The following KIF1A variants were observed in gnomAD, a reference collection of about 807,000 sequenced individuals.
KIF1A encodes the protein kinesin-like protein KIF1A.
A neutral mutation model predicts 227.3 loss-of-function variants in KIF1A; 46 were observed. The ratio of observed to expected loss-of-function variants is 0.20; its 90% confidence interval spans 0.16 to 0.26. The LOEUF (loss-of-function observed/expected upper bound fraction) is 0.26. KIF1A is among the 10% of genes least tolerant of loss of function. The probability of loss-of-function intolerance (pLI) is 1.00; values close to 1 mark genes in which losing one functional copy is unlikely to be tolerated. For missense variants in KIF1A, 1,683 were observed against 2,485.9 expected (o/e 0.68, Z 6.87); for synonymous variants, 1,022 against 1,012.8 (o/e 1.01, Z -0.17).
At chr2:240,747,167 G>A in intron 29 of KIF1A, 69 bp downstream of exon 29, 6 of 1,188,806 alleles carry the variant, frequency 5.0e-6, no homozygotes, top group Non-Finnish European at 1.2e-6. Flanking sequence ...TGTTAGAGGA[G>A]CAAAGTGCAC....
intron 38 of KIF1A, among the ~76,000 whole-genome samples, chr2:240,732,969 G>A (rs1360614813): frequency 7.9e-6 from 1 of 127,062 alleles, no homozygotes; most frequent in African/African-American, 3.1e-5. Flanking sequence ...GAATGGATGA[G>A]GGAGAGATGA....
Position 240,761,370 on chromosome 2 carries a change from C to A in KIF1A, c.2124G>T (p.Trp708Cys). 1 of 1,604,052 alleles carries A rather than the reference C, an allele frequency of 6.2e-7. No homozygotes were observed. The highest frequency in any genetic ancestry group is 8.5e-7 in the Non-Finnish European group (1 of 1,173,404). ...EEEEPEDEVQWTERECELALW... is the reference protein window; with the variant it reads ...EEEEPEDEVQCTERECELALW... The stretch of plus-strand genomic sequence containing the variant: ...GCGCCAGCTCACACTCCCGCTCTGT[C>A]CACTGGACTGTGGGGAGAGGTCACA... The change falls in exon 24 of 49, where the codon TGG becomes TGT. Residue 708 changes from tryptophan to cysteine, a missense_variant. Transcript: ENST00000498729.
rs375280241 is a variant in KIF1A, at chr2:240,787,305, G to A, written c.375C>T (p.Asp125=). The change falls in exon 5 of 49, where the codon GAC becomes GAT. Residue 125 remains aspartate (D), a synonymous_variant. Transcript: ENST00000498729. ...QQGIIPQLCE[D]LFSRINDTTN... is the part of the protein sequence containing the mutation. ...TCGTGTCGTTGATCCGAGAGAAGAG[G>A]TCCTCGCAGAGCTGCAGGAATGGGG... The A allele has an allele frequency of 6.2e-7, 1 of 1,613,308 alleles. No individual in the cohort carries two copies. The highest frequency in any genetic ancestry group is 8.5e-7 in the Non-Finnish European group (1 of 1,179,734).
intron 32 of KIF1A, among the ~76,000 whole-genome samples, chr2:240,744,746 T>C (rs1189875604): frequency 6.6e-6 from 1 of 152,178 alleles, no homozygotes; most frequent in East Asian, 1.9e-4. Flanking sequence ...CACATTTCTG[T>C]TGTTTTTAGA....
rs572061895 is a variant in KIF1A, at chr2:240,713,856, T to A, written c.*3508A>T. 8.5e-5 allele frequency: 13 copies of A among 153,032 alleles called. No homozygotes were observed. Among genetic ancestry groups the A allele is most frequent in the African/African-American group, 2.9e-4 (12 of 41,564 alleles). The allele number at this position is 153,032 out of a possible 1,614,324, so 9.5% of individuals were successfully genotyped here. On this transcript the variant is annotated 3_prime_UTR_variant, in exon 49 of 49. Coordinates refer to ENST00000498729, the MANE Select transcript of KIF1A (RefSeq NM_001244008.2). Reference sequence around the variant, plus strand: ...GGAGCCTAGGGCTAACACTCGGGTGTAAGACATCGGGACAGGCGTCGTGAC... The same window carrying A: ...GGAGCCTAGGGCTAACACTCGGGTGAAAGACATCGGGACAGGCGTCGTGAC...
intron 18 of KIF1A, 120 bp from the exon 19 acceptor site, chr2:240,767,141 G>A: frequency 8.9e-7 from 1 of 1,118,004 alleles, no homozygotes; most frequent in Non-Finnish European, 1.3e-6. Flanking sequence ...GCAGACATCA[G>A]TGGGGTCGCT....
chr2:240,797,801 T>G lies in KIF1A; in HGVS notation c.-49A>C, dbSNP rs1265491079. On this transcript the variant is annotated 5_prime_UTR_variant, in exon 2 of 49. Transcript: ENST00000498729. ...CCTCGCAGTAGTGGGAGCCCCAGTGTGGGGGGAACACCTTGGAAAAAAGGG... is the reference window on the plus strand; with the variant it reads ...CCTCGCAGTAGTGGGAGCCCCAGTGGGGGGGGAACACCTTGGAAAAAAGGG... The G allele has an allele frequency of 8.4e-7, 1 of 1,187,416 alleles. No individual in the cohort carries two copies. The highest frequency in any genetic ancestry group is 1.2e-6 in the Non-Finnish European group (1 of 813,386). 73.6% of individuals were successfully genotyped at this position (1,187,416 alleles called of 1,614,324 possible).
At chr2:240,737,866 C>T (rs1247299139) in intron 37 of KIF1A, among the ~76,000 whole-genome samples, 13 of 152,192 alleles carry the variant, frequency 8.5e-5, no homozygotes, top group Non-Finnish European at 8.8e-5. Flanking sequence ...CAGGAAGGAA[C>T]GGCAGCCTTC....
intron 38 of KIF1A, among the ~76,000 whole-genome samples, chr2:240,728,972 G>A (rs1029786216): frequency 6.6e-6 from 1 of 152,222 alleles, no homozygotes; most frequent in South Asian, 2.1e-4. Flanking sequence ...AACAGAGCCT[G>A]GAGCTTGTAC....
rs375672100 is a variant in KIF1A, at chr2:240,750,457, G to T, written c.2949C>A (p.Phe983Leu). Residue 983 changes from phenylalanine (F) to leucine (L), a missense_variant, in exon 28 of 49, where the codon TTC becomes TTA. Transcript: ENST00000498729. Reference protein sequence around the residue: ...IVSEKGEVKGFLRVAVQAISA... With the variant: ...IVSEKGEVKGLLRVAVQAISA... ...AGATGGCCTGGACGGCCACGCGGAG[G>T]AAGCCCTTCACCTCGCCCTTCTCGC... 4.3e-6 allele frequency: 7 copies of T among 1,613,716 alleles called. No individual in the cohort carries two copies. The highest frequency in any genetic ancestry group is 5.9e-6 in the Non-Finnish European group (7 of 1,179,776).
chr2:240,746,234 C>T (rs1575564358), intron 29 of KIF1A, 57 bp from the exon 30 acceptor site: 25 of 1,534,100 alleles, frequency 1.6e-5, no homozygotes, highest in Admixed American at 4.1e-5. Flanking sequence ...GGAGGGGCAC[C>T]GTAGACCCTG....
At position 240,768,812 on chromosome 2, in the gene KIF1A, C is replaced by T. The variant is rs563024547; in HGVS notation, c.1497+321G>A. 2.0e-5 allele frequency among the ~76,000 whole-genome samples: 3 copies of T among 152,326 alleles called. No homozygotes were observed. In the South Asian group the frequency reaches 6.2e-4, roughly 32 times the overall value. ...CCAGGCTCCAGGGCAGGTCCAGGCC[C>T]CTCGTGTCTCAGTCTCCAGCCTGGG... On this transcript the variant is annotated intron_variant, in intron 17 of 48. Coordinates refer to ENST00000498729, the MANE Select transcript of KIF1A (RefSeq NM_001244008.2).
Position 240,775,808 on chromosome 2 carries a change from TG to T in KIF1A, c.958+42del. Reference sequence around the variant, plus strand: ...TGGGGAAGAAGGGCACAGCCCAGGGTGGGATCAGAGCCCTGGGGACAGGCAA... The same window carrying T: ...TGGGGAAGAAGGGCACAGCCCAGGGTGGATCAGAGCCCTGGGGACAGGCAA... On this transcript the variant is annotated intron_variant, in intron 11 of 48. Transcript: ENST00000498729. This position sits in a 1 kb window ranked among gnomAD's most constrained non-coding sequence, Gnocchi z 5.5. 1 of 1,303,524 alleles carries T rather than the reference TG, an allele frequency of 7.7e-7. No individual in the cohort carries two copies. The highest frequency in any genetic ancestry group is 1.1e-6 in the Non-Finnish European group (1 of 896,738). The allele number at this position is 1,303,524 out of a possible 1,614,324, so 80.7% of individuals were successfully genotyped here. A position where few individuals can be genotyped will look rare whatever the true frequency, so the allele number is the denominator to read the frequency against.
rs770244295 is a variant in KIF1A at position 240,746,052 on chromosome 2, G to A, written c.3189C>T (p.Asn1063=). Reference sequence around the variant, plus strand: ...TGGGCGACCCACCTGAACAGGTGTTGTTGTTGACTTCATCGGCTGAGGGCC... The same window carrying A: ...TGGGCGACCCACCTGAACAGGTGTTATTGTTGACTTCATCGGCTGAGGGCC... ...DVGPSADEVN[N]NTCSAVPPEG... The change falls in exon 30 of 49, where the codon AAC becomes AAT. Residue 1063 remains asparagine, a synonymous_variant. Transcript: ENST00000498729. The A allele has an allele frequency of 1.0e-5, 16 of 1,607,318 alleles. No homozygotes were observed. The highest frequency in any genetic ancestry group is 1.7e-4 in the Middle Eastern group (1 of 6,056).
At chr2:240,770,464 A>C (rs2051801031) in intron 15 of KIF1A, among the ~76,000 whole-genome samples, 1 of 152,102 alleles carries the variant, frequency 6.6e-6, no homozygotes, top group African/African-American at 2.4e-5. Flanking sequence ...GCCAGGGAGG[A>C]AGCTGCTGTG....
At chr2:240,821,030 G>A (rs973713533), upstream of KIF1A, among the ~76,000 whole-genome samples, 20 of 152,198 alleles carry the variant, frequency 1.3e-4, no homozygotes, top group African/African-American at 3.6e-4. Context: ...AGTTCCAGGG[G>A]CTGACTGGTA....
chr2:240,717,961 G>A, intron 48 of KIF1A, 89 bp downstream of exon 48: 3 of 834,498 alleles, frequency 3.6e-6, no homozygotes, highest in Non-Finnish European at 4.0e-6. Context: ...GTCTTGTCCT[G>A]CAGCAGGGCC....
At chr2:240,811,378 GAAGAA>G (rs372471687) in intron 1 of KIF1A, among the ~76,000 whole-genome samples, 5 of 152,186 alleles carry the variant, frequency 3.3e-5, no homozygotes, top group East Asian at 1.9e-4. Flanking sequence ...AAAAAGAAAA[GAAGAA>G]AAGAAAAGAA....
At chr2:240,814,126 G>A (rs1397765246) in intron 1 of KIF1A, among the ~76,000 whole-genome samples, 3 of 151,854 alleles carry the variant, frequency 2.0e-5, no homozygotes, top group Non-Finnish European at 4.4e-5. Context: ...TGAATTCAGG[G>A]TAAAAGAAAA....
Sources: allele counts gnomAD v4.1 joint callset (sites outside exome capture counted in the v4.1 genomes callset), GRCh38; gene constraint gnomAD v4.1.1; non-coding constraint Gnocchi (gnomAD v3.1); transcripts MANE v1.5; gene names NCBI Gene and HGNC (gene_info 2026-07-23, HGNC 2026-07-21).